KIF26B: variants seen among roughly 807,000 people sequenced by gnomAD.
The protein encoded by KIF26B is kinesin-like protein KIF26B.
A neutral mutation model predicts 151.2 loss-of-function variants in KIF26B; 63 were observed. The observed-to-expected ratio is 0.42, with a 90% CI of 0.34 to 0.51. The LOEUF is 0.51. Ranked by LOEUF, KIF26B falls within the 20% of genes least tolerant of loss-of-function variation. KIF26B has a pLI of 0.07. For synonymous variants in KIF26B, 1,357 were observed against 1,262.1 expected, an observed-to-expected ratio of 1.08 and a Z score of -1.59; for missense variants, 2,813 against 2,913.6, an observed-to-expected ratio of 0.97 and a Z score of 0.79.
rs1285947626 is a variant in KIF26B at position 245,686,697 on chromosome 1, C to T, written c.3714C>T (p.Asp1238=). The T allele has an allele frequency of 1.9e-6, 3 of 1,612,968 alleles. No individual in the cohort carries two copies. Among genetic ancestry groups the T allele is most frequent in the Admixed American group, 3.3e-5 (2 of 59,948 alleles). The change falls in exon 12 of 15, where the codon GAC becomes GAT. Residue 1238 remains aspartate, a synonymous_variant. Coordinates refer to ENST00000407071, the MANE Select transcript of KIF26B (RefSeq NM_018012.4). The surrounding 1 kb of genome is among the most constrained non-coding windows in gnomAD (Gnocchi z 5.6). ...PVSIISSISE[D]LECYSSTAPV... Reference sequence around the variant, plus strand: ...GCATCATCAGCAGCATCAGCGAGGACCTGGAGTGCTACTCCAGCACGGCCC... The same window carrying T: ...GCATCATCAGCAGCATCAGCGAGGATCTGGAGTGCTACTCCAGCACGGCCC...
chr1:245,656,528 C>T (rs2044076813), intron 10 of KIF26B, among the ~76,000 whole-genome samples: 1 of 152,180 alleles, frequency 6.6e-6, no homozygotes, highest in African/African-American at 2.4e-5. Flanking sequence ...TAACCAGAAA[C>T]AAAACAGCCA....
intron 11 of KIF26B, among the ~76,000 whole-genome samples, 162 bp from the exon 12 acceptor site, chr1:245,685,243 G>A (rs959853792): frequency 4.6e-5 from 7 of 152,358 alleles, no homozygotes; most frequent in African/African-American, 7.2e-5. Context: ...GACACCGGGC[G>A]CGCGGGCATG....
At chr1:245,634,290 A>G (rs1339351912) in intron 9 of KIF26B, among the ~76,000 whole-genome samples, 1 of 152,142 alleles carries the variant, frequency 6.6e-6, no homozygotes, top group African/African-American at 2.4e-5. Flanking sequence ...AGATCATTTG[A>G]CTTTCTTTCC....
rs919439923 is a variant in KIF26B at position 245,358,306 on chromosome 1, G to A, written c.466-8528G>A. Among the ~76,000 whole-genome samples the A allele has an allele frequency of 6.6e-6, 1 of 152,134 alleles. No individual in the cohort carries two copies. On this transcript the variant is annotated intron_variant, in intron 2 of 14. Coordinates refer to ENST00000407071, the MANE Select transcript of KIF26B (RefSeq NM_018012.4). This position sits in a 1 kb window ranked among gnomAD's most constrained non-coding sequence, Gnocchi z 4.1. ...AACACAGCCAAGGGCGGATCATGAGGTCAGGAAATCGAGACCATCCTGGCT... is the reference window on the plus strand; with the variant it reads ...AACACAGCCAAGGGCGGATCATGAGATCAGGAAATCGAGACCATCCTGGCT...
chr1:245,309,638 A>ATT (rs780189603), intron 2 of KIF26B, among the ~76,000 whole-genome samples: 2 of 149,050 alleles, frequency 1.3e-5, no homozygotes, highest in Non-Finnish European at 3.0e-5. Context: ...TACCTCTCTC[A>ATT]TTATATATAT....
chr1:245,356,289 C>T (rs1672698699), intron 2 of KIF26B, among the ~76,000 whole-genome samples: 1 of 152,206 alleles, frequency 6.6e-6, no homozygotes, highest in Admixed American at 6.5e-5. Flanking sequence ...GGCACAGTGG[C>T]TCATGCCTGT....
intron 3 of KIF26B, among the ~76,000 whole-genome samples, chr1:245,386,813 CTGTT>C (rs1298925409): frequency 6.6e-6 from 1 of 152,218 alleles, no homozygotes; most frequent in Non-Finnish European, 1.5e-5. Context: ...AAATATTGAA[CTGTT>C]TACTCAGTAT....
chr1:245,580,666 G>A (rs535907875), intron 5 of KIF26B, among the ~76,000 whole-genome samples: 2 of 152,220 alleles, frequency 1.3e-5, no homozygotes, highest in Non-Finnish European at 2.9e-5. Flanking sequence ...GAAAAGGGTG[G>A]AGACTGAGTC....
rs1270782610 is a variant in KIF26B at position 245,688,454 on chromosome 1, G to A, written c.5471G>A (p.Arg1824Gln). ...GGAGARGLQL[R>Q]AGPEAEARGG... ...GCGGGCGCCCGGGGCTTGCAGCTGC[G>A]GGCCGGGCCCGAGGCGGAGGCGCGC... Residue 1824 changes from arginine to glutamine, a missense_variant, in exon 12 of 15, where the codon CGG becomes CAG. By Grantham distance (43) the Arg-to-Gln change is conservative. Coordinates refer to ENST00000407071, the MANE Select transcript of KIF26B (RefSeq NM_018012.4). 1.5e-6 allele frequency: 2 copies of A among 1,343,792 alleles called. No individual in the cohort carries two copies. Among genetic ancestry groups the A allele is most frequent in the Non-Finnish European group, 1.9e-6 (2 of 1,057,828 alleles). 83.2% of individuals were successfully genotyped at this position (1,343,792 alleles called of 1,614,324 possible). A position where few individuals can be genotyped will look rare whatever the true frequency, so the allele number is the denominator to read the frequency against.
At chr1:245,508,204 T>C (rs1660762229) in intron 4 of KIF26B, among the ~76,000 whole-genome samples, 1 of 152,242 alleles carries the variant, frequency 6.6e-6, no homozygotes, top group Non-Finnish European at 1.5e-5. Flanking sequence ...CATTCATTCA[T>C]TCATTCATCT....
chr1:245,680,963 C>T (rs763774454), intron 10 of KIF26B, among the ~76,000 whole-genome samples: 3 of 152,100 alleles, frequency 2.0e-5, no homozygotes. Flanking sequence ...TTGCTGTAAA[C>T]GGCCCCCAAG....
chr1:245,230,453 AAG>A (rs1183802680), intron 2 of KIF26B, among the ~76,000 whole-genome samples: 1 of 151,928 alleles, frequency 6.6e-6, no homozygotes, highest in African/African-American at 2.4e-5. Context: ...TTGCTATAAA[AAG>A]AAAACTGCCG....
intron 2 of KIF26B, among the ~76,000 whole-genome samples, chr1:245,360,113 T>A (rs1401200573): frequency 6.6e-6 from 1 of 151,986 alleles, no homozygotes; most frequent in Non-Finnish European, 1.5e-5. Context: ...CCTCAAGTGA[T>A]CCACCCACCT....
Position 245,375,386 on chromosome 1 carries a change from A to T in KIF26B, c.999+8019A>T, listed in dbSNP as rs1673250918. Among the ~76,000 whole-genome samples the T allele has an allele frequency of 6.6e-6, 1 of 152,148 alleles. No homozygotes were observed. Among genetic ancestry groups the T allele is most frequent in the Non-Finnish European group, 1.5e-5 (1 of 68,016 alleles). On this transcript the variant is annotated intron_variant, in intron 3 of 14. Coordinates refer to ENST00000407071, the MANE Select transcript of KIF26B (RefSeq NM_018012.4). The surrounding 1 kb of genome is among the most constrained non-coding windows in gnomAD (Gnocchi z 4.2). ...ACCACCACATCCGGCCAAGGAGATCATTTTAGACTATCTGGGTGGACTCAA... is the reference window on the plus strand; with the variant it reads ...ACCACCACATCCGGCCAAGGAGATCTTTTTAGACTATCTGGGTGGACTCAA...
At position 245,704,941 on chromosome 1, in the gene KIF26B, GT is replaced by G. The variant is rs1168342777; in HGVS notation, c.*2338del. ...AACTCATCTGATGAGTCATCGATGAGTTTGGCTTTCGCCCCTGCCACATCCT... is the reference window on the plus strand; with the variant it reads ...AACTCATCTGATGAGTCATCGATGAGTTGGCTTTCGCCCCTGCCACATCCT... On this transcript the variant is annotated 3_prime_UTR_variant, in exon 15 of 15. Coordinates refer to ENST00000407071, the MANE Select transcript of KIF26B (RefSeq NM_018012.4). 1 of 152,248 alleles carries G rather than the reference GT, an allele frequency of 6.6e-6. No homozygotes were observed. Among genetic ancestry groups the G allele is most frequent in the African/African-American group, 2.4e-5 (1 of 41,464 alleles). 9.4% of individuals were successfully genotyped at this position (152,248 alleles called of 1,614,324 possible).
chr1:245,267,268 T>C (rs1472310828), intron 2 of KIF26B, among the ~76,000 whole-genome samples: 1 of 152,224 alleles, frequency 6.6e-6, no homozygotes, highest in East Asian at 1.9e-4. Flanking sequence ...CAAGAATGTG[T>C]GCAGCTGGTA....
chr1:245,692,043 C>T (rs2147962478), intron 12 of KIF26B, among the ~76,000 whole-genome samples: 1 of 152,302 alleles, frequency 6.6e-6, no homozygotes, highest in South Asian at 2.1e-4. Flanking sequence ...AGGTAATAGC[C>T]ATGGTCTCTC....
chr1:245,603,167 A>T (rs2043415609), intron 6 of KIF26B, among the ~76,000 whole-genome samples: 1 of 151,702 alleles, frequency 6.6e-6, no homozygotes, highest in Non-Finnish European at 1.5e-5. Context: ...TGTTTCAGGG[A>T]GCTGATTAGA....
At chr1:245,643,947 C>A (rs6695700) in intron 9 of KIF26B, among the ~76,000 whole-genome samples, 9 of 151,992 alleles carry the variant, frequency 5.9e-5, no homozygotes, top group Non-Finnish European at 1.2e-4. Flanking sequence ...TGGTTTTGGG[C>A]GGTTTGGTTA....
Sources: allele counts gnomAD v4.1 joint callset (sites outside exome capture counted in the v4.1 genomes callset), GRCh38; gene constraint gnomAD v4.1.1; non-coding constraint Gnocchi (gnomAD v3.1); transcripts MANE v1.5; gene names NCBI Gene and HGNC (gene_info 2026-07-23, HGNC 2026-07-21).